Variants in SMIM19 observed in about 807,000 individuals in gnomAD.
The protein encoded by SMIM19 is small integral membrane protein 19, also known as UPF0697 protein C8orf40.
In SMIM19, 6 loss-of-function variants were observed where a neutral mutation model predicts 13.2. The ratio of observed to expected loss-of-function variants is 0.45; its 90% confidence interval spans 0.25 to 0.90. The LOEUF (loss-of-function observed/expected upper bound fraction) is 0.90, where lower values mean the gene tolerates loss of function less well. Ranked by LOEUF, SMIM19 falls within the 40% of genes least tolerant of loss-of-function variation. The probability of loss-of-function intolerance (pLI) is 0.19; values close to 1 mark genes in which losing one functional copy is unlikely to be tolerated. For synonymous variants in SMIM19, 46 were observed against 43.1 expected (o/e 1.07, Z -0.27); for missense variants, 138 against 131.0 (o/e 1.05, Z -0.26).
intron 2 of SMIM19, among the ~76,000 whole-genome samples, chr8:42,547,843 AG>A (rs1163560687): frequency 6.6e-6 from 1 of 152,216 alleles, no homozygotes. Context: ...GGGGAGGTGC[AG>A]GGATGCTTTA....
chr8:42,542,946 C>T (rs185257855), intron 1 of SMIM19, among the ~76,000 whole-genome samples: 24 of 151,384 alleles, frequency 1.6e-4, no homozygotes, highest in Non-Finnish European at 3.1e-4. Flanking sequence ...CACCACTGCC[C>T]TCCAGCCTGG....
chr8:42,553,761 ATC>A lies in SMIM19; in HGVS notation c.*1154_*1155del, dbSNP rs1813742401. On this transcript the variant is annotated 3_prime_UTR_variant, in exon 4 of 4. Transcript: ENST00000417410. ...CACTTTGGGAGGCCAAGGTGGGAGG[ATC>A]ACGAGGTCAGGAGTTTGAGACCAGC... 1 of 152,174 alleles carries A rather than the reference ATC, an allele frequency of 6.6e-6. No individual in the cohort carries two copies. Among genetic ancestry groups the A allele is most frequent in the Non-Finnish European group, 1.5e-5 (1 of 68,054 alleles). The allele number at this position is 152,174 out of a possible 1,614,324, so 9.4% of individuals were successfully genotyped here. A position where few individuals can be genotyped will look rare whatever the true frequency, so the allele number is the denominator to read the frequency against.
At chr8:42,548,948 A>G (rs1813578822) in intron 3 of SMIM19, among the ~76,000 whole-genome samples, 168 bp downstream of exon 3, 1 of 152,146 alleles carries the variant, frequency 6.6e-6, no homozygotes, top group Non-Finnish European at 1.5e-5. Flanking sequence ...TTCCTTTTGT[A>G]TTTTATACCA....
rs574729767 is a variant in SMIM19 at position 42,544,318 on chromosome 8, G to C, written c.-5+1945G>C. Reference sequence around the variant, plus strand: ...CCCAGCTAGTCAGGAGGCTGAGGCAGGGGAATGGTGTGAACCCGGGAGGCG... The same window carrying C: ...CCCAGCTAGTCAGGAGGCTGAGGCACGGGAATGGTGTGAACCCGGGAGGCG... On this transcript the variant is annotated intron_variant, in intron 1 of 3. Coordinates refer to ENST00000417410, the MANE Select transcript of SMIM19 (RefSeq NM_001135674.2). Among the ~76,000 whole-genome samples, 17 of 152,118 alleles carry C rather than the reference G, an allele frequency of 1.1e-4. No individual in the cohort carries two copies. The South Asian group carries it at 3.5e-3, about 32-fold the overall frequency.
intron 1 of SMIM19, among the ~76,000 whole-genome samples, chr8:42,546,127 A>G (rs1470157451): frequency 3.3e-5 from 5 of 152,206 alleles, no homozygotes; most frequent in Non-Finnish European, 7.3e-5. Flanking sequence ...CACATCCTCT[A>G]TGTACTTTAA....
chr8:42,548,474 C>A, intron 2 of SMIM19, 182 bp from the exon 3 acceptor site: 1 of 720,810 alleles, frequency 1.4e-6, no homozygotes, highest in Non-Finnish European at 2.4e-6. Flanking sequence ...CAGCCTCATA[C>A]TTTTTAGTGA....
At chr8:42,547,891 G>T (rs1204398488) in intron 2 of SMIM19, among the ~76,000 whole-genome samples, 1 of 152,206 alleles carries the variant, frequency 6.6e-6, no homozygotes, top group Non-Finnish European at 1.5e-5. Context: ...GGATGCTTCT[G>T]CAGACACATG....
At chr8:42,549,754 TA>T (rs919625553) in intron 3 of SMIM19, among the ~76,000 whole-genome samples, 5 of 151,826 alleles carry the variant, frequency 3.3e-5, no homozygotes, top group Admixed American at 6.6e-5. Context: ...TTTACCACAT[TA>T]AAAAAAATCC....
chr8:42,546,728 T>C, intron 2 of SMIM19, 122 bp downstream of exon 2: 1 of 1,209,940 alleles, frequency 8.3e-7, no homozygotes, highest in Non-Finnish European at 1.1e-6. Context: ...CTCACACCTG[T>C]AATCCCAGCA....
rs1813755538 is a variant in SMIM19, at chr8:42,554,175, A to G, written c.*1567A>G. ...CAAAGTGAATTGACCAAACAGAATAATTCTTAACTCACAAAGGAGTTTGAG... is the reference window on the plus strand; with the variant it reads ...CAAAGTGAATTGACCAAACAGAATAGTTCTTAACTCACAAAGGAGTTTGAG... On this transcript the variant is annotated 3_prime_UTR_variant, in exon 4 of 4. Coordinates refer to ENST00000417410, the MANE Select transcript of SMIM19 (RefSeq NM_001135674.2). 6.6e-6 allele frequency: 1 copy of G among 152,226 alleles called. No homozygotes were observed. The highest frequency in any genetic ancestry group is 1.5e-5 in the Non-Finnish European group (1 of 68,038). The allele number at this position is 152,226 out of a possible 1,614,324, so 9.4% of individuals were successfully genotyped here.
rs1014024720 is a variant in SMIM19, at chr8:42,555,116, G to A, written c.*2508G>A. 2 of 152,286 alleles carry A rather than the reference G, an allele frequency of 1.3e-5. No individual in the cohort carries two copies. The highest frequency in any genetic ancestry group is 1.5e-5 in the Non-Finnish European group (1 of 68,018). The allele number at this position is 152,286 out of a possible 1,614,324, so 9.4% of individuals were successfully genotyped here. A position where few individuals can be genotyped will look rare whatever the true frequency, so the allele number is the denominator to read the frequency against. On this transcript the variant is annotated 3_prime_UTR_variant, in exon 4 of 4. Coordinates refer to ENST00000417410, the MANE Select transcript of SMIM19 (RefSeq NM_001135674.2). ...TATGCATTAGAAGTAAGATAAAATAGTAATAAAAATAGTTTCAGATGTTAA... is the reference window on the plus strand; with the variant it reads ...TATGCATTAGAAGTAAGATAAAATAATAATAAAAATAGTTTCAGATGTTAA...
chr8:42,546,588 T>C lies in SMIM19; in HGVS notation c.116T>C (p.Leu39Pro). Residue 39 changes from leucine to proline, a missense_variant, in exon 2 of 4, where the codon CTC becomes CCC. Transcript: ENST00000417410. The part of the protein sequence containing the change: ...YLIVILVSFG[L>P]FMYAKRNKRR... ...ATAGTTATCCTTGTTAGCTTCGGTC[T>C]CTTCATGTATGCCAAAAGGTAAATT... 6.2e-7 allele frequency: 1 copy of C among 1,612,038 alleles called. No homozygotes were observed. Among genetic ancestry groups the C allele is most frequent in the Non-Finnish European group, 8.5e-7 (1 of 1,179,580 alleles).
rs1054286689 is a variant in SMIM19, at chr8:42,552,911, T to A, written c.*303T>A. 12 of 298,934 alleles carry A rather than the reference T, an allele frequency of 4.0e-5. No homozygotes were observed. The highest frequency in any genetic ancestry group is 4.3e-5 in the African/African-American group (2 of 46,590). The allele number at this position is 298,934 out of a possible 1,614,324, so 18.5% of individuals were successfully genotyped here. ...AGAAATAAAAACACATCTTGGGAAG[T>A]GGGAATCCTGGAGTTTATGCCATTT... On this transcript the variant is annotated 3_prime_UTR_variant, in exon 4 of 4. Coordinates refer to ENST00000417410, the MANE Select transcript of SMIM19 (RefSeq NM_001135674.2).
chr8:42,548,618 TA>T, intron 2 of SMIM19, 37 bp from the exon 3 acceptor site: 1 of 1,611,338 alleles, frequency 6.2e-7, no homozygotes, highest in South Asian at 1.1e-5. Flanking sequence ...CTATAGACAT[TA>T]ATACAAACAT....
rs1301786176 is a variant in SMIM19, at chr8:42,553,460, A to G, written c.*852A>G. On this transcript the variant is annotated 3_prime_UTR_variant, in exon 4 of 4. Coordinates refer to ENST00000417410, the MANE Select transcript of SMIM19 (RefSeq NM_001135674.2). ...GTAGTAGTGCTACCACTGGCGAGGC[A>G]GTATTACTGCCACTGGTGAATGTTG... is the stretch of plus-strand genomic sequence containing the variant. 1 of 152,254 alleles carries G rather than the reference A, an allele frequency of 6.6e-6. No individual in the cohort carries two copies. Among genetic ancestry groups the G allele is most frequent in the African/African-American group, 2.4e-5 (1 of 41,452 alleles). 9.4% of individuals were successfully genotyped at this position (152,254 alleles called of 1,614,324 possible).
At chr8:42,549,784 A>G (rs1813607954) in intron 3 of SMIM19, among the ~76,000 whole-genome samples, 1 of 152,098 alleles carries the variant, frequency 6.6e-6, no homozygotes, top group African/African-American at 2.4e-5. Flanking sequence ...AAACATAAGT[A>G]TTGTTTAAAA....
chr8:42,550,366 A>G (rs1031330341), intron 3 of SMIM19, among the ~76,000 whole-genome samples: 2 of 152,242 alleles, frequency 1.3e-5, no homozygotes, highest in African/African-American at 4.8e-5. Context: ...AAACCACACG[A>G]ACATGTTGTC....
At chr8:42,552,408 ACT>A (rs1250272951) in intron 3 of SMIM19, 134 bp from the exon 4 acceptor site, 3 of 835,170 alleles carry the variant, frequency 3.6e-6, no homozygotes, top group Non-Finnish European at 5.2e-6. Context: ...TCAGAGGGAG[ACT>A]CTATCTCTGA....
At chr8:42,542,844 G>T (rs974389289) in intron 1 of SMIM19, among the ~76,000 whole-genome samples, 1 of 151,840 alleles carries the variant, frequency 6.6e-6, no homozygotes, top group Non-Finnish European at 1.5e-5. Flanking sequence ...CCCAGGCATG[G>T]TGGCACTTGC....
Sources: gnomAD v4.1 joint callset for allele counts (sites outside exome capture counted in the v4.1 genomes callset) on GRCh38, gnomAD v4.1.1 for gene constraint, MANE v1.5 for transcripts, NCBI Gene and HGNC (gene_info 2026-07-23, HGNC 2026-07-21) for gene names.